TMEM132D: variants seen among roughly 807,000 people sequenced by gnomAD.
The protein encoded by TMEM132D is transmembrane protein 132D, also known as mature OL transmembrane protein.
Under a neutral mutation model 62.3 loss-of-function variants are expected in TMEM132D, and 21 were observed. That is an observed-to-expected ratio of 0.34 (90% confidence interval 0.24 to 0.49). TMEM132D has a LOEUF of 0.49. TMEM132D is among the 20% of genes least tolerant of loss of function. The probability of loss-of-function intolerance (pLI) is 0.99; values close to 1 mark genes in which losing one functional copy is unlikely to be tolerated. For synonymous variants in TMEM132D, 621 were observed against 575.6 expected (o/e 1.08, Z -1.13); for missense variants, 1,346 against 1,402.8 (o/e 0.96, Z 0.65).
chr12:129,865,131 C>G (rs140859631), intron 1 of TMEM132D, among the ~76,000 whole-genome samples: 47 of 152,302 alleles, frequency 3.1e-4, no homozygotes, highest in African/African-American at 9.9e-4. Flanking sequence ...AAAAGTGATG[C>G]ACTGGAAACC....
intron 3 of TMEM132D, among the ~76,000 whole-genome samples, chr12:129,417,524 T>C (rs1872162558): frequency 6.6e-6 from 1 of 152,170 alleles, no homozygotes; most frequent in African/African-American, 2.4e-5. Context: ...CTGTACCCCT[T>C]CCTTACACCT....
At chr12:129,140,609 C>A (rs1348789537) in intron 5 of TMEM132D, among the ~76,000 whole-genome samples, 1 of 152,090 alleles carries the variant, frequency 6.6e-6, no homozygotes, top group Non-Finnish European at 1.5e-5. Flanking sequence ...GAGGCTGAGA[C>A]GGGCGGATCA....
intron 2 of TMEM132D, among the ~76,000 whole-genome samples, chr12:129,538,242 A>G (rs1182702516): frequency 6.6e-6 from 1 of 152,212 alleles, no homozygotes; most frequent in East Asian, 1.9e-4. Flanking sequence ...ATCACTTTAC[A>G]CCTAAGCTAT....
chr12:129,272,202 C>T (rs773756636), intron 4 of TMEM132D, among the ~76,000 whole-genome samples: 5 of 151,944 alleles, frequency 3.3e-5, no homozygotes, highest in Non-Finnish European at 5.9e-5. Flanking sequence ...CGGCAGGGAC[C>T]GCATGCCCTG....
chr12:129,381,631 C>T (rs1566051208), intron 3 of TMEM132D, among the ~76,000 whole-genome samples: 3 of 152,178 alleles, frequency 2.0e-5, no homozygotes, highest in African/African-American at 7.2e-5. Context: ...TTAGATTCCA[C>T]GCAGTCTGAC....
At chr12:129,842,466 G>C (rs1487881288) in intron 1 of TMEM132D, among the ~76,000 whole-genome samples, 1 of 150,436 alleles carries the variant, frequency 6.6e-6, no homozygotes, top group Non-Finnish European at 1.5e-5. Context: ...TTTTTTTTTG[G>C]TTTTGTTTTA....
chr12:129,762,482 T>A (rs1199609916), intron 1 of TMEM132D, among the ~76,000 whole-genome samples: 1 of 152,148 alleles, frequency 6.6e-6, no homozygotes, highest in African/African-American at 2.4e-5. Context: ...ATCCCTGTTC[T>A]GTGTAGGTGT....
chr12:129,656,821 A>C (rs1880095804), intron 2 of TMEM132D, among the ~76,000 whole-genome samples: 1 of 152,186 alleles, frequency 6.6e-6, no homozygotes. Flanking sequence ...TTTACTAAAA[A>C]AATGTGGTCC....
chr12:129,233,185 C>G (rs1276609563), intron 4 of TMEM132D, among the ~76,000 whole-genome samples: 1 of 152,132 alleles, frequency 6.6e-6, no homozygotes, highest in Non-Finnish European at 1.5e-5. Flanking sequence ...AATTGTCCAT[C>G]TCCTGTTTTA....
intron 3 of TMEM132D, among the ~76,000 whole-genome samples, chr12:129,502,288 G>A (rs566948600): frequency 3.3e-5 from 5 of 152,056 alleles, no homozygotes; most frequent in African/African-American, 9.7e-5. Flanking sequence ...CGTGAGCCAC[G>A]GCGCCCGGCC....
chr12:129,128,477 T>C (rs1876280141), intron 5 of TMEM132D, among the ~76,000 whole-genome samples: 1 of 151,922 alleles, frequency 6.6e-6, no homozygotes, highest in Non-Finnish European at 1.5e-5. Flanking sequence ...AACCACAAGA[T>C]CTCATGAGAA....
chr12:129,519,879 G>T (rs1875800242), intron 3 of TMEM132D, among the ~76,000 whole-genome samples: 1 of 152,144 alleles, frequency 6.6e-6, no homozygotes, highest in African/African-American at 2.4e-5. Context: ...AAAGTTATGG[G>T]ATTACAGGTG....
chr12:129,312,471 T>A (rs1881998862), intron 4 of TMEM132D, among the ~76,000 whole-genome samples: 1 of 152,252 alleles, frequency 6.6e-6, no homozygotes, highest in Admixed American at 6.5e-5. Context: ...TGAGAGGACA[T>A]CTATCATTCA....
At chr12:129,681,326 T>C (rs1880773833) in intron 2 of TMEM132D, 1 of 152,244 alleles carries the variant, frequency 6.6e-6, no homozygotes, top group African/African-American at 2.4e-5. Context: ...AGCAGGTATA[T>C]GGGCAGGGCT....
At chr12:129,677,334 G>A (rs1406777389) in intron 2 of TMEM132D, among the ~76,000 whole-genome samples, 1 of 152,128 alleles carries the variant, frequency 6.6e-6, no homozygotes, top group East Asian at 1.9e-4. Context: ...ATCCACATAA[G>A]ACGTGACTTG....
At chr12:129,572,780 T>C (rs1877554835) in intron 2 of TMEM132D, among the ~76,000 whole-genome samples, 1 of 151,542 alleles carries the variant, frequency 6.6e-6, no homozygotes, top group South Asian at 2.1e-4. Flanking sequence ...GGGGGTGCAC[T>C]AACCCCAGTA....
At chr12:129,529,430 GC>G (rs1876151606) in intron 3 of TMEM132D, among the ~76,000 whole-genome samples, 1 of 152,214 alleles carries the variant, frequency 6.6e-6, no homozygotes, top group South Asian at 2.1e-4. Flanking sequence ...ATGGGAAGGA[GC>G]CACCATTGGG....
chr12:129,100,716 A>G (rs1041351254), intron 5 of TMEM132D, among the ~76,000 whole-genome samples: 1 of 152,258 alleles, frequency 6.6e-6, no homozygotes, highest in African/African-American at 2.4e-5. Flanking sequence ...TGGATAAGCC[A>G]TCTTGCTGGT....
intron 1 of TMEM132D, among the ~76,000 whole-genome samples, chr12:129,872,351 TCGTGAA>T (rs1243289104): frequency 6.6e-6 from 1 of 152,146 alleles, no homozygotes; most frequent in African/African-American, 2.4e-5. Context: ...ACTGACAGCA[TCGTGAA>T]CGTGAACTTC....
Sources: allele counts gnomAD v4.1 joint callset (sites outside exome capture counted in the v4.1 genomes callset), GRCh38; gene constraint gnomAD v4.1.1; transcripts MANE v1.5; gene names NCBI Gene and HGNC (gene_info 2026-07-23, HGNC 2026-07-21).